ANKRD7: variants seen among roughly 807,000 people sequenced by gnomAD.
ANKRD7 encodes the protein ankyrin repeat domain-containing protein 7.
Under a neutral mutation model 30.8 loss-of-function variants are expected in ANKRD7, and 30 were observed. That is an observed-to-expected ratio of 0.97 (90% CI 0.73 to 1.32). The LOEUF is 1.32. Among genes scored for constraint, ANKRD7 ranks in the 40% most tolerant of loss-of-function variants. The probability of loss-of-function intolerance (pLI) is 0.00; values close to 1 mark genes in which losing one functional copy is unlikely to be tolerated. For synonymous variants in ANKRD7, 97 were observed against 106.6 expected, an observed-to-expected ratio of 0.91 and a Z score of 0.55; for missense variants, 264 against 295.7, an observed-to-expected ratio of 0.89 and a Z score of 0.79.
At chr7:118,234,081 G>A (rs1809684907) in intron 1 of ANKRD7, among the ~76,000 whole-genome samples, 1 of 152,068 alleles carries the variant, frequency 6.6e-6, no homozygotes, top group African/African-American at 2.4e-5. Context: ...CCTATTAGAT[G>A]TATTTCAGGT....
chr7:118,241,069 G>A (rs1483806897), intron 6 of ANKRD7, among the ~76,000 whole-genome samples: 2 of 148,712 alleles, frequency 1.3e-5, no homozygotes, highest in East Asian at 2.0e-4. Flanking sequence ...CAGGAGAATG[G>A]CGTGAACCCG....
chr7:118,225,031 C>T (rs1180887878), intron 1 of ANKRD7, 22 bp downstream of exon 1: 7 of 1,611,600 alleles, frequency 4.3e-6, no homozygotes, highest in East Asian at 4.5e-5. Flanking sequence ...GAAGAGCCAG[C>T]GCGGGAGGAC....
intron 1 of ANKRD7, among the ~76,000 whole-genome samples, chr7:118,232,544 G>T (rs868749492): frequency 6.6e-6 from 1 of 151,914 alleles, no homozygotes; most frequent in African/African-American, 2.4e-5. Context: ...TGAATTTGTG[G>T]CTGATTTCCT....
rs199569156 is a variant in ANKRD7, at chr7:118,240,612, A to AT, written c.*37+620dup. Among the ~76,000 whole-genome samples the AT allele has an allele frequency of 8.4e-3, 1,277 of 152,264 alleles. 19 individuals are homozygous for AT. The highest frequency in any genetic ancestry group is 0.029 in the African/African-American group (1,212 of 41,564). On this transcript the variant is annotated intron_variant, in intron 6 of 6. Coordinates refer to ENST00000265224, the MANE Select transcript of ANKRD7 (RefSeq NM_019644.4). ...AAAAATATGCTTAATGATTAAGATCATTTTTTAACCCATTGTCTCATGTCT... is the reference window on the plus strand; with the variant it reads ...AAAAATATGCTTAATGATTAAGATCATTTTTTTAACCCATTGTCTCATGTCT...
At chr7:118,232,720 T>G (rs200162544) in intron 1 of ANKRD7, among the ~76,000 whole-genome samples, 35 of 145,922 alleles carry the variant, frequency 2.4e-4, no homozygotes, top group Admixed American at 5.6e-4. Flanking sequence ...AGCAGTGTGT[T>G]TGTGTGTGTG....
intron 5 of ANKRD7, among the ~76,000 whole-genome samples, chr7:118,238,743 C>A (rs924909999): frequency 2.0e-5 from 3 of 152,176 alleles, no homozygotes; most frequent in Non-Finnish European, 2.9e-5. Context: ...CCATATGGCT[C>A]TTTTCTGTCA....
In ANKRD7 at chr7:118,226,576, C is replaced by G. The variant is rs567577997; in HGVS notation, c.179+1567C>G. 2.6e-5 allele frequency among the ~76,000 whole-genome samples: 4 copies of G among 152,144 alleles called. No individual in the cohort carries two copies. In the South Asian group the frequency reaches 8.3e-4, roughly 32 times the overall value. Reference sequence around the variant, plus strand: ...TTATAAGGAAGAGAAAATATATTTACTGTTAAGTTGAAGTGGATCATCATA... The same window carrying G: ...TTATAAGGAAGAGAAAATATATTTAGTGTTAAGTTGAAGTGGATCATCATA... On this transcript the variant is annotated intron_variant, in intron 1 of 6. Coordinates refer to ENST00000265224, the MANE Select transcript of ANKRD7 (RefSeq NM_019644.4).
intron 4 of ANKRD7, 72 bp from the exon 5 acceptor site, chr7:118,236,718 G>A (rs1171899230): frequency 4.7e-6 from 7 of 1,502,472 alleles, no homozygotes; most frequent in Non-Finnish European, 6.3e-6. Context: ...AGTAAATTGA[G>A]AAGACTGAAT....
intron 3 of ANKRD7, 62 bp downstream of exon 3, chr7:118,234,936 G>T: frequency 7.4e-7 from 1 of 1,352,834 alleles, no homozygotes; most frequent in South Asian, 1.6e-5. Context: ...GCATATTTCA[G>T]ATAATTCATC....
At position 118,234,520 on chromosome 7, in the gene ANKRD7, G is replaced by C. The variant is rs757502256; in HGVS notation, c.269G>C (p.Ser90Thr). 1 of 1,611,994 alleles carries C rather than the reference G, an allele frequency of 6.2e-7. No individual in the cohort carries two copies. Among genetic ancestry groups the C allele is most frequent in the East Asian group, 2.2e-5 (1 of 44,790 alleles). ...CAATGCAAAATAAATGTCCGGGATA[G>C]TGAAAACAAATCCCCATTGATTAAG... ...EQQCKINVRD[S>T]ENKSPLIKAV... Residue 90 changes from serine to threonine, a missense_variant, in exon 2 of 7, where the codon AGT (serine) becomes ACT (threonine). Coordinates refer to ENST00000265224, the MANE Select transcript of ANKRD7 (RefSeq NM_019644.4).
intron 6 of ANKRD7, among the ~76,000 whole-genome samples, chr7:118,242,148 G>A (rs1809858239): frequency 6.6e-6 from 1 of 152,114 alleles, no homozygotes; most frequent in East Asian, 1.9e-4. Context: ...ACCAAAAGAT[G>A]TTGCAAAAAT....
At chr7:118,227,822 G>A (rs1034337959) in intron 1 of ANKRD7, 20 of 1,224,172 alleles carry the variant, frequency 1.6e-5, no homozygotes, top group Admixed American at 7.5e-5. Context: ...GGTATGAAAA[G>A]CATCATCTTT....
At chr7:118,226,317 A>G (rs906138465) in intron 1 of ANKRD7, among the ~76,000 whole-genome samples, 1 of 152,198 alleles carries the variant, frequency 6.6e-6, no homozygotes, top group Non-Finnish European at 1.5e-5. Context: ...CATAGAGAGC[A>G]TATACACTTA....
At chr7:118,229,132 ACATG>A (rs900065569) in intron 1 of ANKRD7, among the ~76,000 whole-genome samples, 12 of 152,118 alleles carry the variant, frequency 7.9e-5, no homozygotes, top group African/African-American at 2.9e-4. Context: ...GAAATGCAAG[ACATG>A]CATTTAGGGT....
intron 4 of ANKRD7, 76 bp from the exon 5 acceptor site, chr7:118,236,714 T>C (rs1809736410): frequency 2.1e-5 from 31 of 1,478,780 alleles, no homozygotes; most frequent in Non-Finnish European, 2.8e-5. Context: ...GAGTAGTAAA[T>C]TGAGAAGACT....
At chr7:118,241,825 C>T (rs965543258) in intron 6 of ANKRD7, among the ~76,000 whole-genome samples, 1 of 152,136 alleles carries the variant, frequency 6.6e-6, no homozygotes, top group Admixed American at 6.5e-5. Context: ...ATGCGTGAGC[C>T]ACTGTGTCTG....
intron 5 of ANKRD7, 86 bp from the exon 6 acceptor site, chr7:118,239,823 T>G (rs1028719864): frequency 1.3e-6 from 1 of 794,452 alleles, no homozygotes; most frequent in Non-Finnish European, 1.9e-6. Flanking sequence ...CAGCATTGGC[T>G]GGTACCTAAG....
At chr7:118,231,172 A>C (rs1402704110) in intron 1 of ANKRD7, among the ~76,000 whole-genome samples, 1 of 152,042 alleles carries the variant, frequency 6.6e-6, no homozygotes, top group Non-Finnish European at 1.5e-5. Flanking sequence ...GTGTTTTTTA[A>C]ACAAAGATCT....
Position 118,224,771 on chromosome 7 carries a change from G to A in ANKRD7, c.-60G>A. The A allele has an allele frequency of 6.4e-7, 1 of 1,552,738 alleles. No homozygotes were observed. The highest frequency in any genetic ancestry group is 8.7e-7 in the Non-Finnish European group (1 of 1,153,884). ...GGATGCCAGGGCAGAGGGGCAGGGCGGACGGCTAGGAGTTCAAGAAACATC... is the reference window on the plus strand; with the variant it reads ...GGATGCCAGGGCAGAGGGGCAGGGCAGACGGCTAGGAGTTCAAGAAACATC... On this transcript the variant is annotated 5_prime_UTR_variant, in exon 1 of 7. Transcript: ENST00000265224.
Sources: allele counts gnomAD v4.1 joint callset (sites outside exome capture counted in the v4.1 genomes callset), GRCh38; gene constraint gnomAD v4.1.1; transcripts MANE v1.5; gene names NCBI Gene and HGNC (gene_info 2026-07-23, HGNC 2026-07-21).